NCKAP5: variants seen among roughly 807,000 people sequenced by gnomAD.
NCKAP5 encodes NCK associated protein 5, also known as nck-associated protein 5.
Under a neutral mutation model 167.0 loss-of-function variants are expected in NCKAP5, and 92 were observed. That is an observed-to-expected ratio of 0.55 (90% CI 0.47 to 0.66). The LOEUF (loss-of-function observed/expected upper bound fraction) is 0.66. Ranked by LOEUF, NCKAP5 falls within the 30% of genes least tolerant of loss-of-function variation. The probability of loss-of-function intolerance (pLI) is 0.00; values close to 1 mark genes in which losing one functional copy is unlikely to be tolerated. For missense variants in NCKAP5, 2,378 were observed against 2,315.0 expected (o/e 1.03, Z -0.56); for synonymous variants, 891 against 877.4 (o/e 1.02, Z -0.27).
chr2:132,707,136 T>C (rs1688435219), intron 19 of NCKAP5, among the ~76,000 whole-genome samples: 1 of 152,238 alleles, frequency 6.6e-6, no homozygotes, highest in Non-Finnish European at 1.5e-5. Flanking sequence ...AAAGACAGTC[T>C]TGAATCACCA....
At chr2:132,864,144 T>G (rs149471333) in intron 10 of NCKAP5, among the ~76,000 whole-genome samples, 1 of 152,310 alleles carries the variant, frequency 6.6e-6, no homozygotes, top group Non-Finnish European at 1.5e-5. Context: ...TGCCATAGTC[T>G]GGGATCATGG....
At chr2:133,147,816 A>T (rs1300786314) in intron 5 of NCKAP5, among the ~76,000 whole-genome samples, 2 of 151,994 alleles carry the variant, frequency 1.3e-5, no homozygotes, top group Non-Finnish European at 2.9e-5. Flanking sequence ...AAAATATCTA[A>T]TTTTTCCAAA....
intron 3 of NCKAP5, among the ~76,000 whole-genome samples, chr2:133,437,249 A>T (rs1690544484): frequency 6.6e-6 from 1 of 151,918 alleles, no homozygotes; most frequent in Non-Finnish European, 1.5e-5. Flanking sequence ...ACTACTCAGG[A>T]GGCTGAGGCA....
intron 5 of NCKAP5, among the ~76,000 whole-genome samples, chr2:133,132,481 GCACACA>G (rs373384379): frequency 1.7e-4 from 22 of 130,050 alleles, no homozygotes; most frequent in South Asian, 5.2e-4. Flanking sequence ...GAAAAAAAAA[GCACACA>G]CACACACACA....
intron 16 of NCKAP5, among the ~76,000 whole-genome samples, chr2:132,738,634 T>C (rs1185695391): frequency 6.6e-6 from 1 of 152,230 alleles, no homozygotes; most frequent in Non-Finnish European, 1.5e-5. Context: ...CCTTAGTCCA[T>C]GTTGCATTGC....
At chr2:133,428,674 A>C (rs1359234629) in intron 3 of NCKAP5, among the ~76,000 whole-genome samples, 3 of 152,146 alleles carry the variant, frequency 2.0e-5, no homozygotes, top group Non-Finnish European at 4.4e-5. Context: ...ACCAAGCTAA[A>C]ACACCCAAAA....
At chr2:133,463,387 T>C (rs1692323654) in intron 3 of NCKAP5, among the ~76,000 whole-genome samples, 1 of 152,204 alleles carries the variant, frequency 6.6e-6, no homozygotes, top group Non-Finnish European at 1.5e-5. Flanking sequence ...CAAATAGTGT[T>C]TTTGAAGAAA....
At chr2:133,405,707 C>A (rs981317515) in intron 3 of NCKAP5, among the ~76,000 whole-genome samples, 2 of 152,144 alleles carry the variant, frequency 1.3e-5, no homozygotes, top group African/African-American at 4.8e-5. Context: ...CTACAAATAT[C>A]CTTTGTGTTT....
chr2:133,249,998 T>TTTATTATTATAATTA (rs1553601548), intron 4 of NCKAP5, among the ~76,000 whole-genome samples: 1 of 138,226 alleles, frequency 7.2e-6, no homozygotes, highest in African/African-American at 2.7e-5. Context: ...CACCAAGGGT[T>TTTATTATTATAATTA]TTATTATTAT....
the NCKAP5 span, among the ~76,000 whole-genome samples, chr2:133,637,830 T>C: frequency 6.6e-6 from 1 of 152,088 alleles, no homozygotes; most frequent in Non-Finnish European, 1.5e-5. Context: ...GACCAAAAAA[T>C]GTCCTTGATG....
intron 11 of NCKAP5, among the ~76,000 whole-genome samples, chr2:132,816,401 T>C (rs1686274192): frequency 6.6e-6 from 1 of 152,126 alleles, no homozygotes; most frequent in South Asian, 2.1e-4. Flanking sequence ...TGAGTCACAG[T>C]TGCTTTACAG....
intron 3 of NCKAP5, among the ~76,000 whole-genome samples, chr2:133,384,266 T>C (rs1686757549): frequency 6.6e-6 from 1 of 152,242 alleles, no homozygotes; most frequent in Non-Finnish European, 1.5e-5. Context: ...GTTTCAGCTT[T>C]CTACATATGG....
chr2:132,875,818 C>T (rs1457591879), intron 9 of NCKAP5, among the ~76,000 whole-genome samples: 1 of 152,118 alleles, frequency 6.6e-6, no homozygotes, highest in Non-Finnish European at 1.5e-5. Context: ...AGATAGGGAG[C>T]AGTAGCGGTG....
intron 8 of NCKAP5, among the ~76,000 whole-genome samples, chr2:132,948,160 C>T (rs1324736142): frequency 2.0e-5 from 3 of 152,064 alleles, no homozygotes; most frequent in Non-Finnish European, 4.4e-5. Flanking sequence ...AAATAGATCC[C>T]ACTTCATTTA....
intron 12 of NCKAP5, among the ~76,000 whole-genome samples, chr2:132,794,078 T>G (rs1399488886): frequency 6.6e-6 from 1 of 151,582 alleles, no homozygotes; most frequent in Admixed American, 6.6e-5. Context: ...TGAACCCCTC[T>G]GTGACTCAGT....
intron 3 of NCKAP5, among the ~76,000 whole-genome samples, chr2:133,388,219 T>A (rs1180595270): frequency 6.6e-6 from 1 of 152,230 alleles, no homozygotes. Flanking sequence ...GATGGGGCTT[T>A]GGTGTGGATG....
intron 3 of NCKAP5, among the ~76,000 whole-genome samples, chr2:133,335,870 G>A (rs1190847916): frequency 6.6e-6 from 1 of 152,050 alleles, no homozygotes; most frequent in East Asian, 1.9e-4. Flanking sequence ...TGTGAAAATT[G>A]GGACATAAAT....
rs1454873003 is a variant in NCKAP5, at chr2:132,817,378, T to C, written c.808-20649A>G. Among the ~76,000 whole-genome samples, 3 of 152,328 alleles carry C rather than the reference T, an allele frequency of 2.0e-5. No individual in the cohort carries two copies. In the South Asian group the frequency reaches 6.2e-4, roughly 32 times the overall value. Reference sequence around the variant, plus strand: ...CATTTTATCACACAGGCTGATGCTATCAAATGCTGGTTTATCACTACGTAA... The same window carrying C: ...CATTTTATCACACAGGCTGATGCTACCAAATGCTGGTTTATCACTACGTAA... On this transcript the variant is annotated intron_variant, in intron 11 of 19. Transcript: ENST00000409261.
Position 133,104,111 on chromosome 2 carries a change from A to T in NCKAP5, c.341+25867T>A, listed in dbSNP as rs1467843858. ...TTCTTACCTTCTTGACCTGAAACAA[A>T]ATCATTACAGAATGGGGAAAACTAT... On this transcript the variant is annotated intron_variant, in intron 6 of 19. Coordinates refer to ENST00000409261, the MANE Select transcript of NCKAP5 (RefSeq NM_207363.3). Among the ~76,000 whole-genome samples, 4 of 152,156 alleles carry T rather than the reference A, an allele frequency of 2.6e-5. No homozygotes were observed. In the East Asian group the frequency reaches 5.8e-4, roughly 22 times the overall value.
Sources: allele counts gnomAD v4.1 joint callset (sites outside exome capture counted in the v4.1 genomes callset), GRCh38; gene constraint gnomAD v4.1.1; transcripts MANE v1.5; gene names NCBI Gene and HGNC (gene_info 2026-07-23, HGNC 2026-07-21).